Variants in AHSG observed in about 807,000 individuals in gnomAD.
AHSG encodes alpha 2-HS glycoprotein, also known as alpha-2-HS-glycoprotein.
Under a neutral mutation model 30.1 loss-of-function variants are expected in AHSG, and 23 were observed. The observed-to-expected ratio is 0.76, with a 90% CI of 0.55 to 1.08. AHSG has a LOEUF of 1.08. Ranked by LOEUF, AHSG falls within the 50% of genes least tolerant of loss-of-function variation. AHSG has a pLI of 0.00. For missense variants in AHSG, 469 were observed against 459.5 expected (o/e 1.02, Z -0.19); for synonymous variants, 164 against 186.3 (o/e 0.88, Z 0.98).
At position 186,613,323 on chromosome 3, in the gene AHSG, A is replaced by T. The variant is rs1363726929; in HGVS notation, c.182A>T (p.Asn61Ile). The T allele has an allele frequency of 6.2e-7, 1 of 1,614,038 alleles. No individual in the cohort carries two copies. The highest frequency in any genetic ancestry group is 8.5e-7 in the Non-Finnish European group (1 of 1,179,952). Reference sequence around the variant, plus strand: ...CCTTGGGGATACAAACACACCTTGAACCAGATTGATGAAGTAAAGGTGTGG... The same window carrying T: ...CCTTGGGGATACAAACACACCTTGATCCAGATTGATGAAGTAAAGGTGTGG... ...NLPWGYKHTL[N>I]QIDEVKVWPQ... The change falls in exon 1 of 7, where the codon AAC (asparagine) becomes ATC (isoleucine). Residue 61 changes from asparagine (N) to isoleucine (I), a missense_variant. Asn to Ile is a moderately radical substitution (Grantham distance 149). Coordinates refer to ENST00000411641, the MANE Select transcript of AHSG (RefSeq NM_001622.4).
At chr3:186,617,447 A>G in intron 4 of AHSG, 97 bp downstream of exon 4, 1 of 1,597,682 alleles carries the variant, frequency 6.3e-7, no homozygotes, top group Non-Finnish European at 8.6e-7. Context: ...GAACAGGCGC[A>G]GGGGCAGCGA....
At position 186,620,593 on chromosome 3, in the gene AHSG, G is replaced by C. The variant is rs4918; in HGVS notation, c.767G>C (p.Ser256Thr). The C allele has an allele frequency of 0.66, 1,051,545 of 1,592,390 alleles. 349,526 individuals carry two copies. The highest frequency in any genetic ancestry group is 0.84 in the Middle Eastern group (5,023 of 6,002). Residue 256 changes from serine to threonine, a missense_variant, in exon 7 of 7, where the codon AGC (serine) becomes ACC (threonine). By Grantham distance (58) the Ser-to-Thr change is moderately conservative (BLOSUM62 1). Transcript: ENST00000411641. ...AAATGGTCCTTTTTCCAGCCCGTGA[G>C]CTCACAGCCCCAACCAGAAGGTGCC... The part of the protein sequence containing the change: ...TCMVFQTQPV[S>T]SQPQPEGANE...
intron 1 of AHSG, among the ~76,000 whole-genome samples, chr3:186,614,682 T>A (rs1213473451): frequency 6.6e-6 from 1 of 152,204 alleles, no homozygotes; most frequent in Non-Finnish European, 1.5e-5. Flanking sequence ...TCAGAGTTGG[T>A]TCCCTTGAGA....
At chr3:186,620,278 A>T (rs1716439649) in intron 6 of AHSG, among the ~76,000 whole-genome samples, 1 of 152,162 alleles carries the variant, frequency 6.6e-6, no homozygotes, top group South Asian at 2.1e-4. Context: ...GCTTCAGATG[A>T]CAAAGAGGGT....
intron 5 of AHSG, among the ~76,000 whole-genome samples, 190 bp downstream of exon 5, chr3:186,618,827 C>G (rs1716390761): frequency 6.6e-6 from 1 of 152,216 alleles, no homozygotes. Context: ...ATCAAATCAT[C>G]TCACCCACTG....
chr3:186,616,197 C>G (rs1013037669), intron 2 of AHSG, among the ~76,000 whole-genome samples: 1 of 152,126 alleles, frequency 6.6e-6, no homozygotes, highest in Non-Finnish European at 1.5e-5. Context: ...ATCTCTATCT[C>G]GAAATAATAA....
At chr3:186,619,788 G>A (rs1015289316) in intron 5 of AHSG, 69 bp from the exon 6 acceptor site, 180 of 1,263,098 alleles carry the variant, frequency 1.4e-4, no homozygotes, top group Middle Eastern at 1.9e-4. Flanking sequence ...TAAGGTTGGC[G>A]CGTCAATGAA....
chr3:186,620,122 C>G (rs139766517), intron 6 of AHSG, among the ~76,000 whole-genome samples, 182 bp downstream of exon 6: 2 of 152,332 alleles, frequency 1.3e-5, no homozygotes, highest in African/African-American at 4.8e-5. Flanking sequence ...CTATGCCTTT[C>G]CCTCCCACGA....
rs1716468461 is a variant in AHSG at position 186,620,838 on chromosome 3, A to G, written c.1012A>G (p.Lys338Glu). The G allele has an allele frequency of 3.7e-6, 6 of 1,614,160 alleles. No homozygotes were observed. The highest frequency in any genetic ancestry group is 5.1e-6 in the Non-Finnish European group (6 of 1,180,030). ...SPSGEVSHPRKTRTVVQPSVG... is the reference protein window; with the variant it reads ...SPSGEVSHPRETRTVVQPSVG... ...CTCAGGAGAAGTGTCGCACCCCCGG[A>G]AAACACGCACAGTGGTGCAGCCTAG... Residue 338 changes from lysine (K) to glutamate (E), a missense_variant, in exon 7 of 7, where the codon AAA becomes GAA. Physicochemically the swap from Lys to Glu is moderately conservative, Grantham distance 56. Coordinates refer to ENST00000411641, the MANE Select transcript of AHSG (RefSeq NM_001622.4).
intron 3 of AHSG, 113 bp downstream of exon 3, chr3:186,616,640 A>G: frequency 1.1e-6 from 1 of 920,748 alleles, no homozygotes; most frequent in Non-Finnish European, 1.6e-6. Flanking sequence ...GGAAAAGGAG[A>G]AGCCAAATTT....
rs749508333 is a variant in AHSG, at chr3:186,616,422, C to T, written c.325-21C>T. ...TGCGAAGGGGAAGGGCAGCCATCCT[C>T]ACGTGGGTTTCTTTCTCCAGGCTGT... On this transcript the variant is annotated intron_variant, in intron 2 of 6. Transcript: ENST00000411641. The T allele has an allele frequency of 4.4e-6, 7 of 1,607,856 alleles. No individual in the cohort carries two copies. In the East Asian group the frequency reaches 1.3e-4, roughly 31 times the overall value.
chr3:186,615,683 A>G lies in AHSG; in HGVS notation c.214-2A>G, dbSNP rs1716277822. On this transcript the variant is annotated splice_acceptor_variant, in intron 1 of 6. Coordinates refer to ENST00000411641, the MANE Select transcript of AHSG (RefSeq NM_001622.4). LOFTEE classifies it high-confidence loss of function. ...TCACGGCTTCACTCTTTGTCTCCAC[A>G]GCAGCCCTCCGGAGAGCTGTTTGAG... The G allele has an allele frequency of 6.2e-7, 1 of 1,613,632 alleles. No individual in the cohort carries two copies. The highest frequency in any genetic ancestry group is 1.7e-5 in the Admixed American group (1 of 60,010).
Position 186,613,252 on chromosome 3 carries a change from T to C in AHSG, c.111T>C (p.Thr37=). The C allele has an allele frequency of 6.2e-7, 1 of 1,614,116 alleles. No homozygotes were observed. The change falls in exon 1 of 7, where the codon ACT becomes ACC. Residue 37 remains threonine, a synonymous_variant. Transcript: ENST00000411641. The part of the protein sequence containing the change: ...YRQPNCDDPE[T]EEAALVAIDY... ...AACCGAACTGCGATGATCCAGAAAC[T>C]GAGGAAGCAGCTCTGGTGGCTATAG...
At position 186,621,085 on chromosome 3, in the gene AHSG, T is replaced by G; in HGVS notation, c.*155T>G. On this transcript the variant is annotated 3_prime_UTR_variant, in exon 7 of 7. Transcript: ENST00000411641. ...AGTCTTGACTCCCTACTTCCCGTCA[T>G]TCCTCACAGGACAGAAGCAGAGTGG... 1.4e-6 allele frequency: 1 copy of G among 704,104 alleles called. No homozygotes were observed. The highest frequency in any genetic ancestry group is 2.3e-6 in the Non-Finnish European group (1 of 428,124). 43.6% of individuals were successfully genotyped at this position (704,104 alleles called of 1,614,324 possible).
At position 186,613,929 on chromosome 3, in the gene AHSG, GT is replaced by G. The variant is rs574738096; in HGVS notation, c.213+576del. On this transcript the variant is annotated intron_variant, in intron 1 of 6. Transcript: ENST00000411641. Reference sequence around the variant, plus strand: ...TGCAGTTTTTTTGTTTTTTGTTTTTGTCTTTTTTTTTTTGGTCCAAAATCAT... The same window carrying G: ...TGCAGTTTTTTTGTTTTTTGTTTTTGCTTTTTTTTTTTGGTCCAAAATCAT... 4.1e-3 allele frequency among the ~76,000 whole-genome samples: 613 copies of G among 150,432 alleles called. 5 individuals are homozygous for G. Among genetic ancestry groups the G allele is most frequent in the African/African-American group, 0.014 (585 of 40,986 alleles).
intron 6 of AHSG, 29 bp from the exon 7 acceptor site, chr3:186,620,557 C>G: frequency 6.4e-7 from 1 of 1,557,350 alleles, no homozygotes; most frequent in Non-Finnish European, 8.7e-7. Context: ...AGGAAGCAAA[C>G]TAACTGAAGG....
intron 1 of AHSG, among the ~76,000 whole-genome samples, chr3:186,613,910 T>A (rs748408035): frequency 2.0e-5 from 3 of 151,416 alleles, no homozygotes; most frequent in African/African-American, 4.9e-5. Context: ...TGTGTGCAGT[T>A]TTTTTGTTTT....
intron 1 of AHSG, 70 bp from the exon 2 acceptor site, chr3:186,615,615 C>A: frequency 7.9e-7 from 1 of 1,260,622 alleles, no homozygotes. Flanking sequence ...CCAATGAGGG[C>A]GCATACCGTG....
At chr3:186,619,795 T>C (rs1281856635) in intron 5 of AHSG, 62 bp from the exon 6 acceptor site, 47 of 1,407,884 alleles carry the variant, frequency 3.3e-5, no homozygotes, top group Non-Finnish European at 4.5e-5. Context: ...GGCGCGTCAA[T>C]GAAATTGGGG....
Sources: gnomAD v4.1 joint callset for allele counts (sites outside exome capture counted in the v4.1 genomes callset) on GRCh38, gnomAD v4.1.1 for gene constraint, MANE v1.5 for transcripts, NCBI Gene and HGNC (gene_info 2026-07-23, HGNC 2026-07-21) for gene names.